The following CLYBL variants were observed in gnomAD, a reference collection of about 807,000 sequenced individuals.
CLYBL encodes the protein citramalyl-CoA lyase.
CLYBL carries 31 observed loss-of-function variants against 38.9 expected under a neutral mutation model. The observed-to-expected ratio is 0.80, with a 90% CI of 0.60 to 1.08. CLYBL has a LOEUF of 1.08. CLYBL is among the 50% of genes least tolerant of loss of function. The pLI is 0.00. For missense variants in CLYBL, 434 were observed against 411.6 expected (o/e 1.05, Z -0.47); for synonymous variants, 171 against 158.6 (o/e 1.08, Z -0.59).
At chr13:99,821,808 T>C (rs2050593738) in intron 2 of CLYBL, among the ~76,000 whole-genome samples, 1 of 152,246 alleles carries the variant, frequency 6.6e-6, no homozygotes, top group Non-Finnish European at 1.5e-5. Context: ...ATTTGAGGGC[T>C]GCTAGCCACA....
chr13:99,882,969 A>G (rs74113540), intron 7 of CLYBL, among the ~76,000 whole-genome samples: 5,173 of 151,552 alleles, frequency 0.034, 282 homozygotes, highest in African/African-American at 0.12. Context: ...GGGCCGGGCC[A>G]GGCCAGGCCA....
intron 2 of CLYBL, among the ~76,000 whole-genome samples, chr13:99,790,091 C>G (rs1367343839): frequency 6.6e-6 from 1 of 151,954 alleles, no homozygotes; most frequent in Non-Finnish European, 1.5e-5. Flanking sequence ...TTATGTGTGT[C>G]TCTGCATGTG....
chr13:99,679,813 G>A (rs530335136), intron 1 of CLYBL, among the ~76,000 whole-genome samples: 1 of 152,162 alleles, frequency 6.6e-6, no homozygotes, highest in African/African-American at 2.4e-5. Flanking sequence ...CATAGAAAAT[G>A]CCACAGCTGC....
chr13:99,894,608 G>GTA (rs2052549190), downstream of CLYBL: 2 of 151,838 alleles, frequency 1.3e-5, no homozygotes, highest in African/African-American at 4.8e-5. Context: ...AAGACTGACT[G>GTA]TATGTATGCA....
chr13:99,671,792 A>T lies in CLYBL; in HGVS notation c.62+65035A>T, dbSNP rs75001702. 3.0e-3 allele frequency among the ~76,000 whole-genome samples: 412 copies of T among 139,152 alleles called. 6 individuals are homozygous for T. Among genetic ancestry groups the T allele is most frequent in the South Asian group, 3.9e-3 (18 of 4,606 alleles). 91.3% of individuals were successfully genotyped at this position (139,152 alleles called of 152,430 possible). A position where few individuals can be genotyped will look rare whatever the true frequency, so the allele number is the denominator to read the frequency against. On this transcript the variant is annotated intron_variant, in intron 1 of 8. Coordinates refer to ENST00000339105, the MANE Select transcript of CLYBL (RefSeq NM_206808.5). ...AAGACTCTTTCTCAAAAAAAAAAAA[A>T]AAATAATAAAAGCTACTGCAAAAGT...
At chr13:99,755,785 A>C (rs2049052167) in intron 1 of CLYBL, among the ~76,000 whole-genome samples, 1 of 152,116 alleles carries the variant, frequency 6.6e-6, no homozygotes, top group African/African-American at 2.4e-5. Flanking sequence ...TTGCCTCTCT[A>C]GTCACTGTCA....
chr13:99,874,128 GTTATC>G (rs1294784337), intron 7 of CLYBL, among the ~76,000 whole-genome samples: 4 of 152,122 alleles, frequency 2.6e-5, no homozygotes, highest in Admixed American at 6.5e-5. Context: ...GGGACTCTAG[GTTATC>G]TTATCTTATT....
At chr13:99,813,496 G>A (rs750804836) in intron 2 of CLYBL, among the ~76,000 whole-genome samples, 3 of 152,146 alleles carry the variant, frequency 2.0e-5, no homozygotes, top group African/African-American at 7.2e-5. Flanking sequence ...CAGTGTTCAT[G>A]GGGACAGTGT....
At chr13:99,794,829 T>C (rs1043568994) in intron 2 of CLYBL, among the ~76,000 whole-genome samples, 1 of 152,108 alleles carries the variant, frequency 6.6e-6, no homozygotes, top group African/African-American at 2.4e-5. Flanking sequence ...TGACCTCAGG[T>C]GATCCATCTG....
intron 2 of CLYBL, among the ~76,000 whole-genome samples, chr13:99,821,886 C>T (rs1295193295): frequency 1.3e-5 from 2 of 152,190 alleles, no homozygotes; most frequent in Non-Finnish European, 2.9e-5. Flanking sequence ...TCATGCCTCC[C>T]ATCTCCACAC....
At chr13:99,876,504 A>G (rs889332841) in intron 7 of CLYBL, among the ~76,000 whole-genome samples, 149 of 151,308 alleles carry the variant, frequency 9.8e-4, no homozygotes, top group African/African-American at 3.4e-3. Context: ...TCCTTAATTT[A>G]TAACACACTC....
chr13:99,683,113 GCTCTGT>G (rs930538702), intron 1 of CLYBL, among the ~76,000 whole-genome samples: 3 of 145,098 alleles, frequency 2.1e-5, no homozygotes, highest in African/African-American at 5.1e-5. Flanking sequence ...ATGGAGTCTT[GCTCTGT>G]CACCCAGGCT....
At chr13:99,748,431 T>G (rs1444530444) in intron 1 of CLYBL, among the ~76,000 whole-genome samples, 16 of 43,692 alleles carry the variant, frequency 3.7e-4, no homozygotes, top group South Asian at 1.0e-3. Context: ...AGTTTTGTGT[T>G]TTTTTTTTTT....
At chr13:99,757,477 T>TG (rs1165488476) in intron 1 of CLYBL, among the ~76,000 whole-genome samples, 5 of 152,020 alleles carry the variant, frequency 3.3e-5, no homozygotes, top group African/African-American at 1.2e-4. Flanking sequence ...TATTTCGAGA[T>TG]GGAGTTTCGC....
intron 1 of CLYBL, among the ~76,000 whole-genome samples, chr13:99,663,748 C>A (rs1396212560): frequency 6.6e-6 from 1 of 152,164 alleles, no homozygotes; most frequent in Non-Finnish European, 1.5e-5. Flanking sequence ...ACAGGGACAA[C>A]CTACAACCTG....
chr13:99,759,113 A>G (rs999131931), intron 1 of CLYBL, among the ~76,000 whole-genome samples: 1 of 152,218 alleles, frequency 6.6e-6, no homozygotes, highest in Admixed American at 6.5e-5. Flanking sequence ...GTTTGCATGT[A>G]AGTGCTGCCT....
chr13:99,877,858 C>T lies in CLYBL; in HGVS notation c.927+6796C>T, dbSNP rs112853777. Among the ~76,000 whole-genome samples, 416 of 152,174 alleles carry T rather than the reference C, an allele frequency of 2.7e-3. 2 individuals carry two copies. Among genetic ancestry groups the T allele is most frequent in the Middle Eastern group, 0.024 (7 of 292 alleles). ...AAGTGCTGGGATTACAGGCGTAAGC[C>T]ACCGCGCCCAGCCCAGAATTTTGTA... is the stretch of plus-strand genomic sequence containing the variant. On this transcript the variant is annotated intron_variant, in intron 7 of 8. Transcript: ENST00000339105.
At chr13:99,766,948 T>C (rs2049280963) in intron 1 of CLYBL, among the ~76,000 whole-genome samples, 1 of 152,240 alleles carries the variant, frequency 6.6e-6, no homozygotes, top group African/African-American at 2.4e-5. Context: ...ATTCCAGAGC[T>C]GGGGATGGTA....
At chr13:99,888,521 G>T (rs1924109) in intron 7 of CLYBL, among the ~76,000 whole-genome samples, 1 of 151,896 alleles carries the variant, frequency 6.6e-6, no homozygotes, top group East Asian at 1.9e-4. Flanking sequence ...AGGCCGAGGT[G>T]GGCAGATCAG....
Sources: gnomAD v4.1 joint callset for allele counts (sites outside exome capture counted in the v4.1 genomes callset) on GRCh38, gnomAD v4.1.1 for gene constraint, MANE v1.5 for transcripts, NCBI Gene and HGNC (gene_info 2026-07-23, HGNC 2026-07-21) for gene names.